SPECC1L: variants seen among roughly 807,000 people sequenced by gnomAD.
SPECC1L encodes cytospin-A.
A neutral mutation model predicts 116.8 loss-of-function variants in SPECC1L; 40 were observed. The ratio of observed to expected loss-of-function variants is 0.34; its 90% confidence interval spans 0.27 to 0.45. The LOEUF is 0.45. SPECC1L is among the 20% of genes least tolerant of loss of function. The pLI, the probability that SPECC1L is intolerant of heterozygous loss-of-function variation, is 1.00. For synonymous variants in SPECC1L, 504 were observed against 500.6 expected (o/e 1.01, Z -0.09); for missense variants, 1,110 against 1,373.6 (o/e 0.81, Z 3.03).
chr22:24,283,299 C>T (rs1423210368), intron 2 of SPECC1L, among the ~76,000 whole-genome samples: 4 of 150,834 alleles, frequency 2.7e-5, no homozygotes, highest in Admixed American at 6.6e-5. Flanking sequence ...AGGATGGTCT[C>T]GATCTCCTGA....
chr22:24,300,156 C>A (rs1010308237), intron 2 of SPECC1L, among the ~76,000 whole-genome samples: 2 of 152,114 alleles, frequency 1.3e-5, no homozygotes, highest in African/African-American at 4.8e-5. Context: ...CACAACAGGC[C>A]CTGGTGTGTG....
At chr22:24,299,473 T>C (rs5760325) in intron 2 of SPECC1L, among the ~76,000 whole-genome samples, 25,649 of 152,068 alleles carry the variant, frequency 0.17, 2,675 homozygotes, top group Admixed American at 0.23. Context: ...GGGTCTGATA[T>C]GGCTAAGAAC....
chr22:24,403,801 C>T (rs748101450), intron 14 of SPECC1L, among the ~76,000 whole-genome samples: 2 of 152,210 alleles, frequency 1.3e-5, no homozygotes, highest in Non-Finnish European at 1.5e-5. Flanking sequence ...TATTATGGCT[C>T]ATCTAATTTC....
intron 3 of SPECC1L, among the ~76,000 whole-genome samples, chr22:24,302,930 CGATGATGAT>C (rs75972989): frequency 6.6e-6 from 1 of 151,740 alleles, no homozygotes; most frequent in Non-Finnish European, 1.5e-5. Flanking sequence ...AGCTGGTCCA[CGATGATGAT>C]GATGATGATG....
At chr22:24,358,026 C>T (rs2041564833) in intron 11 of SPECC1L, among the ~76,000 whole-genome samples, 1 of 151,356 alleles carries the variant, frequency 6.6e-6, no homozygotes, top group Non-Finnish European at 1.5e-5. Context: ...GAGTATGGCT[C>T]ACTTTCTTTT....
intron 1 of SPECC1L, among the ~76,000 whole-genome samples, chr22:24,274,694 C>T (rs1362175292): frequency 6.6e-6 from 1 of 152,214 alleles, no homozygotes; most frequent in African/African-American, 2.4e-5. Flanking sequence ...CAGAGGTTTA[C>T]TTCTGCCTGT....
chr22:24,365,394 T>G (rs2041739315), intron 12 of SPECC1L, 82 bp from the exon 13 acceptor site: 1 of 1,308,760 alleles, frequency 7.6e-7, no homozygotes, highest in Non-Finnish European at 1.1e-6. Context: ...CTGTTGTTTT[T>G]GGAATCTTCA....
chr22:24,350,526 C>T (rs2041400295), intron 11 of SPECC1L, among the ~76,000 whole-genome samples: 1 of 152,112 alleles, frequency 6.6e-6, no homozygotes, highest in African/African-American at 2.4e-5. Flanking sequence ...TTCTGAGTAG[C>T]ACAAGTGGCT....
intron 14 of SPECC1L, among the ~76,000 whole-genome samples, chr22:24,390,443 A>G (rs940947388): frequency 3.9e-5 from 6 of 152,210 alleles, no homozygotes; most frequent in Admixed American, 2.0e-4. Context: ...TCCCAGAGTT[A>G]AAAAATAAAA....
chr22:24,282,142 C>T (rs1026062748), intron 2 of SPECC1L, among the ~76,000 whole-genome samples: 7 of 152,282 alleles, frequency 4.6e-5, no homozygotes, highest in East Asian at 1.9e-4. Context: ...GCCAGTTAAT[C>T]GATCTGGATG....
Position 24,322,098 on chromosome 22 carries a change from G to A in SPECC1L, c.1118G>A (p.Gly373Asp). 6.2e-7 allele frequency: 1 copy of A among 1,614,090 alleles called. No individual in the cohort carries two copies. Among genetic ancestry groups the A allele is most frequent in the Non-Finnish European group, 8.5e-7 (1 of 1,180,032 alleles). ...GCACCATCCTCCTCAGAGTCGGAAG[G>A]CATCCCCAGCATAGAGCGCTCCCGG... Reference protein sequence around the residue: ...LDAPSSSESEGIPSIERSRKG... With the variant: ...LDAPSSSESEDIPSIERSRKG... Residue 373 changes from glycine (G) to aspartate (D), a missense_variant, in exon 5 of 17, where the codon GGC (glycine) becomes GAC (aspartate). Physicochemically the swap from Gly to Asp is moderately conservative, Grantham distance 94 (BLOSUM62 -1). Transcript: ENST00000314328.
intron 14 of SPECC1L, among the ~76,000 whole-genome samples, chr22:24,383,792 A>AATTTTTTTTTTT (rs2042105646): frequency 1.3e-5 from 1 of 77,338 alleles, no homozygotes. Context: ...ACCCACCACT[A>AATTTTTTTTTTT]TTTTTTTTTT....
chr22:24,325,476 T>A (rs915875262), intron 6 of SPECC1L, among the ~76,000 whole-genome samples: 7 of 152,224 alleles, frequency 4.6e-5, no homozygotes, highest in Non-Finnish European at 8.8e-5. Flanking sequence ...ACAGACACTT[T>A]TAGTGCATTT....
chr22:24,373,796 G>A (rs1421035528), intron 14 of SPECC1L, among the ~76,000 whole-genome samples: 1 of 152,140 alleles, frequency 6.6e-6, no homozygotes, highest in African/African-American at 2.4e-5. Flanking sequence ...AAACTAAAGA[G>A]CTTCTGCACA....
chr22:24,320,574 T>G (rs994603397), intron 4 of SPECC1L, among the ~76,000 whole-genome samples: 3 of 152,224 alleles, frequency 2.0e-5, no homozygotes, highest in African/African-American at 7.2e-5. Flanking sequence ...AACATCTGTG[T>G]CTGAGTTTCT....
intron 8 of SPECC1L, 114 bp downstream of exon 8, chr22:24,330,545 A>T: frequency 8.6e-7 from 1 of 1,161,332 alleles, no homozygotes; most frequent in Non-Finnish European, 1.3e-6. Flanking sequence ...CTGAGTTTGG[A>T]TCTGATGGAA....
At chr22:24,320,660 G>A (rs2040702818) in intron 4 of SPECC1L, among the ~76,000 whole-genome samples, 1 of 152,198 alleles carries the variant, frequency 6.6e-6, no homozygotes, top group African/African-American at 2.4e-5. Flanking sequence ...TGTATGTGAA[G>A]TGTTAATGTA....
At position 24,330,385 on chromosome 22, in the gene SPECC1L, A is replaced by G; in HGVS notation, c.2350A>G (p.Lys784Glu). The change falls in exon 8 of 17, where the codon AAA (lysine) becomes GAA (glutamate). Residue 784 changes from lysine to glutamate, a missense_variant. Around this residue, in one of 4 missense-constraint regions of SPECC1L, gnomAD observed 575 missense variants for 682.4 expected, o/e 0.84. Coordinates refer to ENST00000314328, the MANE Select transcript of SPECC1L (RefSeq NM_015330.6). The stretch of plus-strand genomic sequence containing the variant: ...GCGCCGGTTACATGAGGCTCAAGAA[A>G]AAAATGAGAAACTCACAAAAGAATT... ...LKRRLHEAQE[K>E]NEKLTKELEE... 6.2e-6 allele frequency: 10 copies of G among 1,614,232 alleles called. No individual in the cohort carries two copies. The highest frequency in any genetic ancestry group is 1.3e-5 in the African/African-American group (1 of 75,064).
At chr22:24,351,953 C>T (rs941355006) in intron 11 of SPECC1L, among the ~76,000 whole-genome samples, 2 of 151,474 alleles carry the variant, frequency 1.3e-5, no homozygotes, top group African/African-American at 4.9e-5. Context: ...TGCGCCACTG[C>T]ACTCCAGCCT....
Sources: gnomAD v4.1 joint callset for allele counts (sites outside exome capture counted in the v4.1 genomes callset) on GRCh38, gnomAD v4.1.1 for gene constraint, gnomAD v4.1.1 regional missense constraint, MANE v1.5 for transcripts, NCBI Gene and HGNC (gene_info 2026-07-23, HGNC 2026-07-21) for gene names.